The following TRPM3 variants were observed in gnomAD, a reference collection of about 807,000 sequenced individuals.
The protein encoded by TRPM3 is long transient receptor potential channel 3.
A neutral mutation model predicts 181.2 loss-of-function variants in TRPM3; 77 were observed. The ratio of observed to expected loss-of-function variants is 0.42; its 90% CI spans 0.35 to 0.51. The LOEUF (loss-of-function observed/expected upper bound fraction) is 0.51. Among genes scored for constraint, TRPM3 ranks in the 20% least tolerant of loss-of-function variants. The pLI, the probability that TRPM3 is intolerant of heterozygous loss-of-function variation, is 0.01. For synonymous variants in TRPM3, 745 were observed against 796.4 expected (o/e 0.94, Z 1.09); for missense variants, 1,759 against 2,196.7 (o/e 0.80, Z 3.98).
chr9:71,440,087 C>T (rs2094114048), intron 1 of TRPM3, among the ~76,000 whole-genome samples: 1 of 152,086 alleles, frequency 6.6e-6, no homozygotes, highest in Non-Finnish European at 1.5e-5. Context: ...TGAGCCACTG[C>T]ACTCCAGCCT....
intron 1 of TRPM3, among the ~76,000 whole-genome samples, chr9:71,274,038 C>G (rs908636272): frequency 6.6e-6 from 1 of 152,046 alleles, no homozygotes; most frequent in Non-Finnish European, 1.5e-5. Context: ...CATCTGTTAC[C>G]GGTGGTTGTT....
intron 1 of TRPM3, among the ~76,000 whole-genome samples, chr9:71,159,958 A>G (rs911953088): frequency 6.6e-6 from 1 of 152,114 alleles, no homozygotes; most frequent in African/African-American, 2.4e-5. Flanking sequence ...AGAGGAAGCA[A>G]GAAAGTCCTT....
intron 1 of TRPM3, among the ~76,000 whole-genome samples, chr9:71,274,922 C>G (rs1243470489): frequency 6.6e-6 from 1 of 152,076 alleles, no homozygotes; most frequent in African/African-American, 2.4e-5. Flanking sequence ...ATAAAGGGAG[C>G]CCTTCTAATT....
At chr9:71,330,886 G>A (rs907251499) in intron 1 of TRPM3, among the ~76,000 whole-genome samples, 6 of 151,710 alleles carry the variant, frequency 4.0e-5, no homozygotes, top group African/African-American at 1.5e-4. Flanking sequence ...CCTCAGGAGG[G>A]GCAGCAGCTG....
intron 8 of TRPM3, among the ~76,000 whole-genome samples, chr9:70,739,507 C>T (rs1161360876): frequency 6.6e-6 from 1 of 152,144 alleles, no homozygotes; most frequent in Non-Finnish European, 1.5e-5. Context: ...CTATGACAAA[C>T]ACACAGCCAA....
At chr9:70,942,897 C>T (rs2096899234) in intron 1 of TRPM3, among the ~76,000 whole-genome samples, 1 of 151,982 alleles carries the variant, frequency 6.6e-6, no homozygotes, top group Non-Finnish European at 1.5e-5. Flanking sequence ...GATTCTGATA[C>T]CCACCAAATT....
chr9:71,273,732 A>G (rs2083978182), intron 1 of TRPM3, among the ~76,000 whole-genome samples: 1 of 152,164 alleles, frequency 6.6e-6, no homozygotes, highest in Non-Finnish European at 1.5e-5. Flanking sequence ...AAACGATGAC[A>G]AATGTATGCA....
rs112420035 is a variant in TRPM3, at chr9:71,411,926, C to T, written c.183+34727G>A. On this transcript the variant is annotated intron_variant, in intron 1 of 24. Transcript: ENST00000357533. ...CATAGACCAACGGAACAGAACAGAG[C>T]CCTCAGAAATACCACCACACATCTA... is the stretch of plus-strand genomic sequence containing the variant. Among the ~76,000 whole-genome samples, 87 of 152,144 alleles carry T rather than the reference C, an allele frequency of 5.7e-4. 1 individual carries two copies. The highest frequency in any genetic ancestry group is 2.0e-3 in the African/African-American group (82 of 41,518).
At chr9:70,995,137 C>A (rs17056164) in intron 1 of TRPM3, among the ~76,000 whole-genome samples, 32,063 of 152,062 alleles carry the variant, frequency 0.21, 3,566 homozygotes, top group African/African-American at 0.28. Context: ...TCAGCATTTT[C>A]TTGCCTTACA....
chr9:71,312,539 G>A (rs2088062144), intron 1 of TRPM3, among the ~76,000 whole-genome samples: 1 of 151,976 alleles, frequency 6.6e-6, no homozygotes, highest in Non-Finnish European at 1.5e-5. Flanking sequence ...CCCAGCAATT[G>A]TACCCCTACA....
chr9:71,293,908 G>A (rs11142787), intron 1 of TRPM3, among the ~76,000 whole-genome samples: 1 of 151,656 alleles, frequency 6.6e-6, no homozygotes, highest in African/African-American at 2.4e-5. Context: ...TAAGATAGAG[G>A]TGGTATTGCA....
chr9:70,686,605 C>T (rs2066861651), intron 8 of TRPM3, among the ~76,000 whole-genome samples: 1 of 109,122 alleles, frequency 9.2e-6, no homozygotes. Flanking sequence ...TCCCTCCCTC[C>T]CTCCCGCCCT....
At chr9:70,985,172 T>G (rs1405930913) in intron 1 of TRPM3, among the ~76,000 whole-genome samples, 1 of 152,212 alleles carries the variant, frequency 6.6e-6, no homozygotes, top group Non-Finnish European at 1.5e-5. Flanking sequence ...GGAGCCAATA[T>G]TACACAGTCC....
chr9:70,843,343 T>C (rs771004222), intron 4 of TRPM3, among the ~76,000 whole-genome samples: 7 of 152,190 alleles, frequency 4.6e-5, no homozygotes, highest in Non-Finnish European at 8.8e-5. Context: ...AATTCTAGCA[T>C]TGCATTTCTT....
chr9:70,750,868 G>C (rs1368864104), intron 8 of TRPM3, among the ~76,000 whole-genome samples: 1 of 152,106 alleles, frequency 6.6e-6, no homozygotes. Flanking sequence ...AGCGCAAGCT[G>C]TAAGTATGGT....
chr9:70,872,870 T>A (rs2095811664), intron 1 of TRPM3, among the ~76,000 whole-genome samples: 1 of 151,930 alleles, frequency 6.6e-6, no homozygotes. Flanking sequence ...TGGCATCAGG[T>A]TGACCAGCAT....
In TRPM3 at chr9:71,407,510, CAGTGAGGCTGG is replaced by C. The variant is rs563547831; in HGVS notation, c.183+39132_183+39142del. 9.7e-4 allele frequency among the ~76,000 whole-genome samples: 147 copies of C among 152,300 alleles called. 2 individuals are homozygous for C. Among genetic ancestry groups the C allele is most frequent in the South Asian group, 5.8e-3 (28 of 4,826 alleles). On this transcript the variant is annotated intron_variant, in intron 1 of 24. Transcript: ENST00000357533. ...AGTCTGAGATCAAAATGTGAGTCAG[CAGTGAGGCTGG>C]GGGATGGGCATCTGCCATTACTGAG...
intron 1 of TRPM3, among the ~76,000 whole-genome samples, chr9:70,965,831 C>T (rs1205749881): frequency 6.6e-6 from 1 of 151,758 alleles, no homozygotes; most frequent in Non-Finnish European, 1.5e-5. Context: ...CAAGTCTGTC[C>T]TCCTCATTTT....
At chr9:70,572,826 G>A (rs1282314086) in intron 22 of TRPM3, among the ~76,000 whole-genome samples, 1 of 152,104 alleles carries the variant, frequency 6.6e-6, no homozygotes, top group African/African-American at 2.4e-5. Context: ...ACATGTTAAG[G>A]TTACCAAGAG....
Sources: gnomAD v4.1 joint callset for allele counts (sites outside exome capture counted in the v4.1 genomes callset) on GRCh38, gnomAD v4.1.1 for gene constraint, MANE v1.5 for transcripts, NCBI Gene and HGNC (gene_info 2026-07-23, HGNC 2026-07-21) for gene names.